Variants in ARHGEF28 observed in about 807,000 individuals in gnomAD.
The protein encoded by ARHGEF28 is 190 kDa guanine nucleotide exchange factor.
ARHGEF28 carries 152 observed loss-of-function variants against 206.6 expected under a neutral mutation model. The ratio of observed to expected loss-of-function variants is 0.74; its 90% CI spans 0.64 to 0.84. The LOEUF is 0.84. Among genes scored for constraint, ARHGEF28 ranks in the 40% least tolerant of loss-of-function variants. ARHGEF28 has a pLI of 0.00. For missense variants in ARHGEF28, 2,028 were observed against 2,073.2 expected, an observed-to-expected ratio of 0.98 and a Z score of 0.42; for synonymous variants, 763 against 776.4, an observed-to-expected ratio of 0.98 and a Z score of 0.29.
intron 14 of ARHGEF28, 86 bp from the exon 15 acceptor site, chr5:73,857,570 C>A: frequency 1.0e-6 from 1 of 959,490 alleles, no homozygotes; most frequent in Non-Finnish European, 1.5e-6. Context: ...TGTGTACACA[C>A]ACACACACAC....
rs779364770 is a variant in ARHGEF28 at position 73,753,029 on chromosome 5, G to A, written c.302G>A (p.Arg101His). 1.7e-5 allele frequency: 28 copies of A among 1,609,776 alleles called. No homozygotes were observed. The highest frequency in any genetic ancestry group is 3.3e-4 in the Middle Eastern group (2 of 6,054). The stretch of plus-strand genomic sequence containing the variant: ...GACAACATGGCTTGCAGGCTGGCTC[G>A]TCTGCTGGTGACGCAGGCCAATCGC... Reference protein sequence around the residue: ...YVDNMACRLARLLVTQANRLT... With the variant: ...YVDNMACRLAHLLVTQANRLT... The change falls in exon 4 of 36, where the codon CGT (arginine) becomes CAT (histidine). Residue 101 changes from arginine to histidine, a missense_variant. Physicochemically the swap from Arg to His is conservative, Grantham distance 29. Around this residue, in one of 3 missense-constraint regions of ARHGEF28, gnomAD observed 1,002 missense variants for 1,015.3 expected, o/e 0.99. Transcript: ENST00000513042.
chr5:73,864,127 G>T (rs1759561979), intron 16 of ARHGEF28, among the ~76,000 whole-genome samples: 1 of 152,196 alleles, frequency 6.6e-6, no homozygotes, highest in Non-Finnish European at 1.5e-5. Context: ...AAAGACAACA[G>T]CTTGGCAGCA....
intron 2 of ARHGEF28, among the ~76,000 whole-genome samples, chr5:73,741,775 AT>A (rs1280582963): frequency 6.6e-6 from 1 of 152,094 alleles, no homozygotes; most frequent in African/African-American, 2.4e-5. Flanking sequence ...AATAATGGGT[AT>A]CTTTTACAAA....
At position 73,864,836 on chromosome 5, in the gene ARHGEF28, C is replaced by G; in HGVS notation, c.2067C>G (p.His689Gln). 3 of 1,612,926 alleles carry G rather than the reference C, an allele frequency of 1.9e-6. No individual in the cohort carries two copies. Among genetic ancestry groups the G allele is most frequent in the Non-Finnish European group, 2.5e-6 (3 of 1,179,368 alleles). The change falls in exon 17 of 36, where the codon CAC (histidine) becomes CAG (glutamine). Residue 689 changes from histidine (H) to glutamine (Q), a missense_variant. Around this residue, in one of 3 missense-constraint regions of ARHGEF28, gnomAD observed 1,002 missense variants for 1,015.3 expected, o/e 0.99. Coordinates refer to ENST00000513042, the MANE Select transcript of ARHGEF28 (RefSeq NM_001177693.2). ...LQCSNCNANV[H>Q]KGCKDAAPAC... ...TTTCAGACTGTAATGCAAATGTGCA[C>G]AAAGGTTGTAAAGATGCTGCGCCTG...
chr5:73,649,905 T>G (rs910948125), intron 1 of ARHGEF28, among the ~76,000 whole-genome samples: 1 of 152,168 alleles, frequency 6.6e-6, no homozygotes, highest in African/African-American at 2.4e-5. Context: ...GACAGACCAT[T>G]AAGGGGAGAC....
At chr5:73,879,807 T>C (rs1281378742) in intron 22 of ARHGEF28, among the ~76,000 whole-genome samples, 2 of 152,160 alleles carry the variant, frequency 1.3e-5, no homozygotes, top group Admixed American at 1.3e-4. Flanking sequence ...GAGGAGTACC[T>C]GGCCATGTGA....
At chr5:73,662,674 TGA>T (rs1745687985) in intron 1 of ARHGEF28, among the ~76,000 whole-genome samples, 2 of 152,352 alleles carry the variant, frequency 1.3e-5, no homozygotes, top group South Asian at 4.1e-4. Flanking sequence ...ATATAAAGTA[TGA>T]GTTATCAATT....
In ARHGEF28 at chr5:73,858,246, T is replaced by C. The variant is rs1759176558; in HGVS notation, c.2047+27T>C. 3 of 1,542,336 alleles carry C rather than the reference T, an allele frequency of 1.9e-6. No individual in the cohort carries two copies. In the East Asian group the frequency reaches 6.9e-5, roughly 35 times the overall value. On this transcript the variant is annotated intron_variant, in intron 16 of 35. Transcript: ENST00000513042. ...TAAGTTCTCAGGTCTATGTGCGCTG[T>C]CTTTGTTTTCATCTCCTGACAGTAA...
At chr5:73,879,218 G>A (rs1469081888) in intron 22 of ARHGEF28, among the ~76,000 whole-genome samples, 4 of 152,062 alleles carry the variant, frequency 2.6e-5, no homozygotes, top group East Asian at 3.9e-4. Flanking sequence ...TGATCGCATC[G>A]GCTCCTGAGG....
chr5:73,930,326 T>C (rs559599364), intron 35 of ARHGEF28, among the ~76,000 whole-genome samples: 1 of 152,366 alleles, frequency 6.6e-6, no homozygotes, highest in Non-Finnish European at 1.5e-5. Context: ...TGTTCTTTCA[T>C]ACTTTTCTGA....
In ARHGEF28 at chr5:73,900,985, C is replaced by T. The variant is rs3749640; in HGVS notation, c.3974-199C>T. On this transcript the variant is annotated intron_variant, in intron 30 of 35. Transcript: ENST00000513042. ...CGGTTCGTCAGTTGCTGTCTGTTAG[C>T]GTGTAAGCCCCATGTGGGCAGGGAC... The T allele has an allele frequency of 0.26, 125,745 of 490,706 alleles. 18,171 individuals carry two copies. Among genetic ancestry groups the T allele is most frequent in the Admixed American group, 0.37 (11,215 of 30,002 alleles). 30.4% of individuals were successfully genotyped at this position (490,706 alleles called of 1,614,324 possible). A position where few individuals can be genotyped will look rare whatever the true frequency, so the allele number is the denominator to read the frequency against.
rs530733232 is a variant in ARHGEF28 at position 73,807,653 on chromosome 5, T to G, written c.1024+12262T>G. Among the ~76,000 whole-genome samples, 479 of 151,792 alleles carry G rather than the reference T, an allele frequency of 3.2e-3. 4 individuals carry two copies. The highest frequency in any genetic ancestry group is 2.9e-3 in the Non-Finnish European group (198 of 67,904). The stretch of plus-strand genomic sequence containing the variant: ...GCACCTGCCACCATGCCCAGCTAAT[T>G]TTTTGTATTTTTAGTAGAGATGGGG... On this transcript the variant is annotated intron_variant, in intron 9 of 35. Transcript: ENST00000513042.
chr5:73,649,663 T>G (rs1744670773), intron 1 of ARHGEF28, among the ~76,000 whole-genome samples: 2 of 152,238 alleles, frequency 1.3e-5, no homozygotes, highest in Non-Finnish European at 2.9e-5. Context: ...TACCCTTATT[T>G]GTTATTTCTG....
chr5:73,881,562 A>AT (rs1201039437), intron 22 of ARHGEF28, among the ~76,000 whole-genome samples: 16 of 152,196 alleles, frequency 1.1e-4, no homozygotes, highest in Admixed American at 9.8e-4. Context: ...TGGTTTAAGA[A>AT]TTATCATTTG....
At chr5:73,865,694 G>A (rs1253791066) in intron 17 of ARHGEF28, among the ~76,000 whole-genome samples, 15 of 152,130 alleles carry the variant, frequency 9.9e-5, no homozygotes, top group Admixed American at 9.8e-4. Context: ...ATGAGCTGGA[G>A]ACCTCTGGTT....
intron 21 of ARHGEF28, among the ~76,000 whole-genome samples, chr5:73,871,317 G>T (rs111437989): frequency 0.05 from 7,563 of 152,090 alleles, 211 homozygotes; most frequent in South Asian, 0.077. Context: ...TGTATTAATG[G>T]GTTAAAAGAT....
At position 73,882,505 on chromosome 5, in the gene ARHGEF28, A is replaced by T. The variant is rs1437806995; in HGVS notation, c.2848A>T (p.Ile950Leu). The change falls in exon 23 of 36, where the codon ATA becomes TTA. Residue 950 changes from isoleucine to leucine, a missense_variant. Physicochemically the swap from Ile to Leu is conservative, Grantham distance 5. Coordinates refer to ENST00000513042, the MANE Select transcript of ARHGEF28 (RefSeq NM_001177693.2). ...SEENASKMKKIYGEFCCHHKE... is the reference protein window; with the variant it reads ...SEENASKMKKLYGEFCCHHKE... ...AGAAAATGCAAGTAAAATGAAGAAA[A>T]TATATGGAGAATTCTGTTGCCATCA... 13 of 1,477,178 alleles carry T rather than the reference A, an allele frequency of 8.8e-6. No individual in the cohort carries two copies. Among genetic ancestry groups the T allele is most frequent in the Non-Finnish European group, 1.1e-5 (12 of 1,096,968 alleles). 91.5% of individuals were successfully genotyped at this position (1,477,178 alleles called of 1,614,324 possible).
intron 11 of ARHGEF28, among the ~76,000 whole-genome samples, chr5:73,844,404 T>C (rs1266691475): frequency 6.6e-6 from 1 of 152,182 alleles, no homozygotes; most frequent in East Asian, 1.9e-4. Context: ...CCGTCTCAGA[T>C]TGTTGTACTA....
At chr5:73,759,756 A>G (rs10515163) in intron 4 of ARHGEF28, among the ~76,000 whole-genome samples, 51,069 of 152,042 alleles carry the variant, frequency 0.34, 9,487 homozygotes, top group African/African-American at 0.5. Context: ...AAGCCATTAC[A>G]TAGGAATTAA....
Sources: gnomAD v4.1 joint callset for allele counts (sites outside exome capture counted in the v4.1 genomes callset) on GRCh38, gnomAD v4.1.1 for gene constraint, gnomAD v4.1.1 regional missense constraint, MANE v1.5 for transcripts, NCBI Gene and HGNC (gene_info 2026-07-23, HGNC 2026-07-21) for gene names.